Variants in LAMA2 observed in about 807,000 individuals in gnomAD.
LAMA2 encodes the protein laminin subunit alpha-2.
In LAMA2, 269 loss-of-function variants were observed where a neutral mutation model predicts 364.8. The observed-to-expected ratio is 0.74, with a 90% CI of 0.67 to 0.82. The LOEUF (loss-of-function observed/expected upper bound fraction) is 0.82, where lower values mean the gene tolerates loss of function less well. Among genes scored for constraint, LAMA2 ranks in the 40% least tolerant of loss-of-function variants. LAMA2 has a pLI of 0.00. For missense variants in LAMA2, 3,807 were observed against 3,873.2 expected (o/e 0.98, Z 0.45); for synonymous variants, 1,379 against 1,370.6 (o/e 1.01, Z -0.14).
In LAMA2 at chr6:129,516,384, A is replaced by G; in HGVS notation, c.*37A>G. The G allele has an allele frequency of 6.3e-7, 1 of 1,596,748 alleles. No homozygotes were observed. The highest frequency in any genetic ancestry group is 8.6e-7 in the Non-Finnish European group (1 of 1,165,420). On this transcript the variant is annotated 3_prime_UTR_variant, in exon 65 of 65. Coordinates refer to ENST00000421865, the MANE Select transcript of LAMA2 (RefSeq NM_000426.4). The stretch of plus-strand genomic sequence containing the variant: ...GTAACCCCAGGAAGAGTCTGTCAAA[A>G]CAAGTATATCAAGTAAAACAAACAA...
intron 3 of LAMA2, among the ~76,000 whole-genome samples, chr6:129,061,568 T>G (rs927833838): frequency 7.9e-5 from 12 of 152,212 alleles, no homozygotes; most frequent in African/African-American, 2.7e-4. Context: ...TGAAAGCCTA[T>G]TTTTCAGTGA....
intron 22 of LAMA2, among the ~76,000 whole-genome samples, chr6:129,303,795 T>C (rs1280232601): frequency 1.3e-5 from 2 of 152,190 alleles, no homozygotes; most frequent in Admixed American, 6.5e-5. Context: ...TTTAAAATTA[T>C]GTTGAATCCT....
intron 14 of LAMA2, among the ~76,000 whole-genome samples, chr6:129,255,734 T>C (rs1456742838): frequency 6.6e-6 from 1 of 152,122 alleles, no homozygotes; most frequent in Non-Finnish European, 1.5e-5. Context: ...TCTAGAAAAA[T>C]TCCTTTGTAA....
At chr6:129,275,808 T>A (rs941325416) in intron 17 of LAMA2, among the ~76,000 whole-genome samples, 7 of 151,962 alleles carry the variant, frequency 4.6e-5, no homozygotes, top group Non-Finnish European at 4.4e-5. Context: ...TTCATACTTT[T>A]TCAGTATAAA....
In LAMA2 at chr6:128,901,965, T is replaced by G. The variant is rs111312608; in HGVS notation, c.112+18608T>G. Among the ~76,000 whole-genome samples the G allele has an allele frequency of 8.3e-3, 1,271 of 152,330 alleles. 19 individuals carry two copies. The highest frequency in any genetic ancestry group is 0.029 in the African/African-American group (1,188 of 41,568). On this transcript the variant is annotated intron_variant, in intron 1 of 64. Coordinates refer to ENST00000421865, the MANE Select transcript of LAMA2 (RefSeq NM_000426.4). The stretch of plus-strand genomic sequence containing the variant: ...TGGGCAATTTACAAAGAGGTTTAAT[T>G]GACTCAGTTCCACCTGGCTGGGGAG...
chr6:129,078,628 G>A (rs1000550142), intron 3 of LAMA2, among the ~76,000 whole-genome samples: 4 of 151,900 alleles, frequency 2.6e-5, no homozygotes, highest in African/African-American at 9.7e-5. Flanking sequence ...CTTATAATAT[G>A]GTATGGCTAT....
chr6:129,461,344 T>C (rs1301314238), intron 49 of LAMA2, among the ~76,000 whole-genome samples: 2 of 152,090 alleles, frequency 1.3e-5, no homozygotes, highest in Non-Finnish European at 2.9e-5. Flanking sequence ...GTTATCCCTC[T>C]AAAAGTCTTA....
chr6:129,224,362 G>T (rs907720676), intron 12 of LAMA2, among the ~76,000 whole-genome samples: 1 of 152,094 alleles, frequency 6.6e-6, no homozygotes, highest in South Asian at 2.1e-4. Context: ...GATTGCCCTG[G>T]CCAGAACTTC....
intron 30 of LAMA2, among the ~76,000 whole-genome samples, chr6:129,345,652 T>C (rs1452684838): frequency 6.6e-6 from 1 of 152,196 alleles, no homozygotes; most frequent in African/African-American, 2.4e-5. Flanking sequence ...ATACACTTTT[T>C]TATATCATAA....
At chr6:129,116,236 G>A (rs182126346) in intron 4 of LAMA2, among the ~76,000 whole-genome samples, 2 of 152,230 alleles carry the variant, frequency 1.3e-5, no homozygotes, top group Admixed American at 6.5e-5. Context: ...AATAAAGTCT[G>A]TAAGTCCCAG....
chr6:129,337,517 G>A (rs889639617), intron 29 of LAMA2, among the ~76,000 whole-genome samples: 6 of 151,964 alleles, frequency 3.9e-5, no homozygotes, highest in Admixed American at 6.6e-5. Context: ...TTTATTCACC[G>A]TAAGGAAAAA....
chr6:128,946,596 T>C (rs1780500350), intron 1 of LAMA2, among the ~76,000 whole-genome samples: 1 of 152,218 alleles, frequency 6.6e-6, no homozygotes, highest in Non-Finnish European at 1.5e-5. Context: ...TTGATGACTA[T>C]CTGTACCACC....
At chr6:129,296,330 GT>G (rs529577647) in intron 20 of LAMA2, among the ~76,000 whole-genome samples, 3 of 151,466 alleles carry the variant, frequency 2.0e-5, no homozygotes, top group East Asian at 1.9e-4. Flanking sequence ...TATATGGTTA[GT>G]TTTTTTTATA....
chr6:129,053,371 G>A, intron 2 of LAMA2, among the ~76,000 whole-genome samples: 1 of 152,120 alleles, frequency 6.6e-6, no homozygotes, highest in East Asian at 1.9e-4. Context: ...GGCCGACTCT[G>A]GTGAATTTCT....
intron 27 of LAMA2, among the ~76,000 whole-genome samples, chr6:129,317,264 A>G (rs1385049146): frequency 6.6e-6 from 1 of 152,186 alleles, no homozygotes; most frequent in Non-Finnish European, 1.5e-5. Context: ...GTTACATTCT[A>G]TGAGAATATA....
chr6:129,052,204 C>T (rs1426357424), intron 2 of LAMA2, among the ~76,000 whole-genome samples: 1 of 148,122 alleles, frequency 6.8e-6, no homozygotes, highest in Non-Finnish European at 1.5e-5. Context: ...GGCGCGATCT[C>T]GGCTCACTGC....
intron 12 of LAMA2, among the ~76,000 whole-genome samples, chr6:129,194,208 T>C (rs1175662314): frequency 1.3e-5 from 2 of 151,748 alleles, no homozygotes; most frequent in Admixed American, 1.3e-4. Flanking sequence ...ATACTGTCAA[T>C]TTAAAAAAAA....
chr6:129,268,880 T>C lies in LAMA2; in HGVS notation c.2322+1661T>C, dbSNP rs190174771. Among the ~76,000 whole-genome samples the C allele has an allele frequency of 2.5e-4, 38 of 152,180 alleles. No individual in the cohort carries two copies. In the East Asian group the frequency reaches 7.3e-3, roughly 29 times the overall value. ...TGCCCTTTCTCCAAAATTGTATTGA[T>C]AACTAAGTGCTGATATTCCATTTTG... On this transcript the variant is annotated intron_variant, in intron 16 of 64. Transcript: ENST00000421865.
chr6:129,393,791 C>G (rs1779455892), intron 37 of LAMA2, among the ~76,000 whole-genome samples: 1 of 152,240 alleles, frequency 6.6e-6, no homozygotes, highest in Non-Finnish European at 1.5e-5. Context: ...CAAATTCAAT[C>G]TGAGCACATG....
Sources: allele counts gnomAD v4.1 joint callset (sites outside exome capture counted in the v4.1 genomes callset), GRCh38; gene constraint gnomAD v4.1.1; transcripts MANE v1.5; gene names NCBI Gene and HGNC (gene_info 2026-07-23, HGNC 2026-07-21).